The following FRYL variants were observed in gnomAD, a reference collection of about 807,000 sequenced individuals.
FRYL encodes the protein protein furry homolog-like.
In FRYL, 150 loss-of-function variants were observed where a neutral mutation model predicts 351.2. The ratio of observed to expected loss-of-function variants is 0.43; its 90% CI spans 0.37 to 0.49. The LOEUF is 0.49. Ranked by LOEUF, FRYL falls within the 20% of genes least tolerant of loss-of-function variation. The probability of loss-of-function intolerance (pLI) is 0.00; values close to 1 mark genes in which losing one functional copy is unlikely to be tolerated. For missense variants in FRYL, 3,036 were observed against 3,619.3 expected (o/e 0.84, Z 4.13); for synonymous variants, 1,153 against 1,257.1 (o/e 0.92, Z 1.75).
chr4:48,552,424 T>C (rs1355546354), intron 36 of FRYL, among the ~76,000 whole-genome samples: 2 of 108,808 alleles, frequency 1.8e-5, no homozygotes, highest in African/African-American at 7.0e-5. Flanking sequence ...GTTCCATATA[T>C]ACTTATAGAA....
intron 18 of FRYL, 98 bp downstream of exon 18, chr4:48,589,647 A>T: frequency 9.0e-7 from 1 of 1,109,602 alleles, no homozygotes. Context: ...AACATGGAAG[A>T]ACTCCAAAGA....
At chr4:48,708,929 G>GTTTTTTGT (rs758528740) in intron 2 of FRYL, among the ~76,000 whole-genome samples, 2,522 of 141,104 alleles carry the variant, frequency 0.018, 59 homozygotes, top group African/African-American at 0.058. Flanking sequence ...TTTGTTTTTT[G>GTTTTTTGT]TTTTTTTTTT....
intron 3 of FRYL, among the ~76,000 whole-genome samples, chr4:48,667,029 C>G (rs746001585): frequency 1.5e-4 from 23 of 152,160 alleles, no homozygotes; most frequent in Admixed American, 2.6e-4. Context: ...TAGACTAATC[C>G]TCATCCTGAT....
chr4:48,644,020 T>G (rs542314884), intron 3 of FRYL, among the ~76,000 whole-genome samples: 1 of 152,320 alleles, frequency 6.6e-6, no homozygotes, highest in East Asian at 1.9e-4. Context: ...CTCGGCTCAC[T>G]GCAACCTCTG....
Position 48,510,957 on chromosome 4 carries a change from T to C in FRYL, c.8173A>G (p.Thr2725Ala). ...CCAAGAAAGCTGACTGCCTCATTAG[T>C]TATTTCTCCAAACTTTCTTTGAATT... ...QTIQRKFGEI[T>A]NEAVSFLGDS... The change falls in exon 58 of 64, where the codon ACT becomes GCT. Residue 2725 changes from threonine to alanine, a missense_variant. Coordinates refer to ENST00000358350, the MANE Select transcript of FRYL (RefSeq NM_015030.2). The C allele has an allele frequency of 1.9e-6, 3 of 1,612,298 alleles. No individual in the cohort carries two copies. Among genetic ancestry groups the C allele is most frequent in the South Asian group, 1.1e-5 (1 of 90,546 alleles).
At chr4:48,526,530 G>C (rs755881404) in intron 53 of FRYL, among the ~76,000 whole-genome samples, 2 of 152,140 alleles carry the variant, frequency 1.3e-5, no homozygotes, top group Non-Finnish European at 2.9e-5. Context: ...ACTTTTCTGA[G>C]AGCATTTCTG....
rs184651264 is a variant in FRYL at position 48,769,477 on chromosome 4, T to C, written c.-384+10601A>G. Among the ~76,000 whole-genome samples the C allele has an allele frequency of 3.3e-5, 5 of 152,346 alleles. 1 individual carries two copies. Among genetic ancestry groups the C allele is most frequent in the East Asian group, 3.9e-4 (2 of 5,186 alleles). On this transcript the variant is annotated intron_variant, in intron 1 of 63. Coordinates refer to ENST00000358350, the MANE Select transcript of FRYL (RefSeq NM_015030.2). ...CTTTCATATCGATGAAATGGAACTT[T>C]CCATATATTGCTGGTGAAAACATAC...
At chr4:48,626,399 C>T (rs555455601) in intron 4 of FRYL, among the ~76,000 whole-genome samples, 1 of 152,000 alleles carries the variant, frequency 6.6e-6, no homozygotes, top group East Asian at 1.9e-4. Context: ...GTTTTTTGTT[C>T]TGTTAAACAA....
chr4:48,755,509 T>G (rs1773683789), intron 1 of FRYL, among the ~76,000 whole-genome samples: 1 of 152,176 alleles, frequency 6.6e-6, no homozygotes, highest in Non-Finnish European at 1.5e-5. Flanking sequence ...CAGCCAACAT[T>G]ATTCAGCTGA....
chr4:48,614,233 T>A (rs1053259416), intron 7 of FRYL, among the ~76,000 whole-genome samples: 11 of 150,038 alleles, frequency 7.3e-5, no homozygotes, highest in African/African-American at 2.2e-4. Flanking sequence ...TTCAGTAGTT[T>A]AAAAAAAAAA....
intron 20 of FRYL, among the ~76,000 whole-genome samples, chr4:48,582,282 A>G (rs1403168361): frequency 2.0e-5 from 3 of 152,178 alleles, no homozygotes; most frequent in Non-Finnish European, 4.4e-5. Context: ...CTCATTAAAA[A>G]CCCAAAGAAG....
rs145005522 is a variant in FRYL, at chr4:48,756,806, G to C, written c.-384+23272C>G. Among the ~76,000 whole-genome samples, 29 of 152,178 alleles carry C rather than the reference G, an allele frequency of 1.9e-4. No individual in the cohort carries two copies. The East Asian group carries it at 5.0e-3, about 26-fold the overall frequency. ...CTACAAAAAATTTAAAAAGTCCCCA[G>C]GTGTGGTGGCACACGCCTGTAGTCC... On this transcript the variant is annotated intron_variant, in intron 1 of 63. Coordinates refer to ENST00000358350, the MANE Select transcript of FRYL (RefSeq NM_015030.2).
chr4:48,513,825 T>C (rs569927516), intron 56 of FRYL, among the ~76,000 whole-genome samples: 4 of 152,350 alleles, frequency 2.6e-5, no homozygotes, highest in South Asian at 2.1e-4. Context: ...GTACACTTAG[T>C]AGGAATGCTC....
chr4:48,759,136 C>T (rs1198116167), intron 1 of FRYL, among the ~76,000 whole-genome samples: 5 of 151,926 alleles, frequency 3.3e-5, no homozygotes, highest in African/African-American at 9.7e-5. Context: ...ATGTAAATGA[C>T]GAGTTAATGG....
intron 3 of FRYL, among the ~76,000 whole-genome samples, chr4:48,653,348 G>C (rs1011335376): frequency 6.6e-6 from 1 of 152,142 alleles, no homozygotes; most frequent in Non-Finnish European, 1.5e-5. Flanking sequence ...ACAGAAGTGT[G>C]GAAGAGTACT....
In FRYL at chr4:48,549,377, T is replaced by C; in HGVS notation, c.4784+96A>G. Reference sequence around the variant, plus strand: ...TGTTGCAGTATCTCCATAAAGAAGATTGCTTTCATTCTGTGTTGTCAGATA... The same window carrying C: ...TGTTGCAGTATCTCCATAAAGAAGACTGCTTTCATTCTGTGTTGTCAGATA... On this transcript the variant is annotated intron_variant, in intron 39 of 63. Coordinates refer to ENST00000358350, the MANE Select transcript of FRYL (RefSeq NM_015030.2). The surrounding 1 kb of genome is among the most constrained non-coding windows in gnomAD (Gnocchi z 4.2). 3.7e-6 allele frequency: 4 copies of C among 1,085,036 alleles called. No homozygotes were observed. Among genetic ancestry groups the C allele is most frequent in the Non-Finnish European group, 5.2e-6 (4 of 770,496 alleles). The allele number at this position is 1,085,036 out of a possible 1,614,324, so 67.2% of individuals were successfully genotyped here.
At chr4:48,658,042 A>G (rs1759613933) in intron 3 of FRYL, among the ~76,000 whole-genome samples, 1 of 152,216 alleles carries the variant, frequency 6.6e-6, no homozygotes, top group African/African-American at 2.4e-5. Context: ...ATTCCAATAC[A>G]CCAAAACCAT....
At chr4:48,552,869 T>C (rs1733185143) in intron 36 of FRYL, among the ~76,000 whole-genome samples, 1 of 152,150 alleles carries the variant, frequency 6.6e-6, no homozygotes, top group African/African-American at 2.4e-5. Context: ...AGAAATTTCA[T>C]CTACAATAGC....
At chr4:48,556,048 C>T (rs1734052391) in intron 35 of FRYL, among the ~76,000 whole-genome samples, 1 of 152,190 alleles carries the variant, frequency 6.6e-6, no homozygotes, top group Admixed American at 6.5e-5. Context: ...GCATGCGCCA[C>T]CACACCCGGC....
Sources: gnomAD v4.1 joint callset for allele counts (sites outside exome capture counted in the v4.1 genomes callset) on GRCh38, gnomAD v4.1.1 for gene constraint, Gnocchi (gnomAD v3.1) non-coding constraint, MANE v1.5 for transcripts, NCBI Gene and HGNC (gene_info 2026-07-23, HGNC 2026-07-21) for gene names.